PCDH15: variants seen among roughly 807,000 people sequenced by gnomAD.
PCDH15 encodes the protein protocadherin related 15.
A neutral mutation model predicts 178.5 loss-of-function variants in PCDH15; 129 were observed. That is an observed-to-expected ratio of 0.72 (90% CI 0.63 to 0.84). The LOEUF is 0.84. Among genes scored for constraint, PCDH15 ranks in the 40% least tolerant of loss-of-function variants. The pLI is 0.00. For synonymous variants in PCDH15, 800 were observed against 732.0 expected (o/e 1.09, Z -1.50); for missense variants, 2,230 against 2,099.9 (o/e 1.06, Z -1.21).
At chr10:54,421,484 T>A (rs1488462877) in intron 3 of PCDH15, among the ~76,000 whole-genome samples, 1 of 135,732 alleles carries the variant, frequency 7.4e-6, no homozygotes, top group African/African-American at 2.6e-5. Flanking sequence ...TAGCATTTGA[T>A]TTTTATTTAT....
rs186184498 is a variant in PCDH15, at chr10:55,033,282, G to A, written c.-80+133294C>T. Among the ~76,000 whole-genome samples, 185 of 152,232 alleles carry A rather than the reference G, an allele frequency of 1.2e-3. 1 individual carries two copies. Among genetic ancestry groups the A allele is most frequent in the South Asian group, 2.7e-3 (13 of 4,816 alleles). On this transcript the variant is annotated intron_variant, in intron 2 of 5. Coordinates refer to the PCDH15 transcript ENST00000458638. ...TGGAGTTGTGGCAGCAGGGCCGCTCGAGAGGCCAAAGCCTGGGAGAGCCAC... is the reference window on the plus strand; with the variant it reads ...TGGAGTTGTGGCAGCAGGGCCGCTCAAGAGGCCAAAGCCTGGGAGAGCCAC...
At chr10:54,828,096 T>C (rs1247142330) in intron 3 of PCDH15, among the ~76,000 whole-genome samples, 1 of 152,028 alleles carries the variant, frequency 6.6e-6, no homozygotes, top group Non-Finnish European at 1.5e-5. Context: ...TTGGTACTGA[T>C]ACCTTGAATT....
chr10:54,283,086 G>T (rs141126738), intron 8 of PCDH15, among the ~76,000 whole-genome samples: 1 of 152,234 alleles, frequency 6.6e-6, no homozygotes, highest in African/African-American at 2.4e-5. Context: ...CAAGATCTAT[G>T]AATGCTATAA....
chr10:54,564,042 T>C (rs1371464942), intron 2 of PCDH15, among the ~76,000 whole-genome samples: 1 of 152,148 alleles, frequency 6.6e-6, no homozygotes, highest in Non-Finnish European at 1.5e-5. Flanking sequence ...GCAAGGCTGT[T>C]GCCTAGTTCT....
At chr10:55,301,448 T>C (rs996578792) in intron 1 of PCDH15, among the ~76,000 whole-genome samples, 2 of 151,924 alleles carry the variant, frequency 1.3e-5, no homozygotes, top group East Asian at 3.9e-4. Context: ...TTCTAATTGT[T>C]TTTTTTTTCT....
intron 20 of PCDH15, among the ~76,000 whole-genome samples, chr10:54,004,529 A>C (rs906988266): frequency 2.6e-5 from 4 of 152,030 alleles, no homozygotes; most frequent in African/African-American, 9.7e-5. Context: ...AACAATCCGC[A>C]AAAGAAATCA....
At chr10:54,357,897 A>G (rs1445125603) in intron 5 of PCDH15, among the ~76,000 whole-genome samples, 8 of 152,044 alleles carry the variant, frequency 5.3e-5, no homozygotes, top group Non-Finnish European at 8.8e-5. Context: ...AAACCTGACA[A>G]AAACAAGAAA....
intron 26 of PCDH15, among the ~76,000 whole-genome samples, chr10:53,875,094 A>T (rs1025743196): frequency 2.6e-5 from 4 of 152,058 alleles, no homozygotes; most frequent in African/African-American, 9.7e-5. Context: ...TTTGGCAAAT[A>T]TCTAATCAGA....
intron 2 of PCDH15, among the ~76,000 whole-genome samples, chr10:55,388,891 T>C (rs1440562607): frequency 2.0e-5 from 3 of 152,098 alleles, no homozygotes; most frequent in Non-Finnish European, 2.9e-5. Context: ...CACTGGAAAT[T>C]TGCAAGCCAT....
At chr10:53,959,368 T>C (rs1276791860) in intron 23 of PCDH15, among the ~76,000 whole-genome samples, 2 of 151,716 alleles carry the variant, frequency 1.3e-5, no homozygotes, top group African/African-American at 2.4e-5. Flanking sequence ...GCAGATTGCA[T>C]GCCAAAATTG....
At chr10:54,395,172 G>T (rs1951044823) in intron 3 of PCDH15, among the ~76,000 whole-genome samples, 1 of 152,066 alleles carries the variant, frequency 6.6e-6, no homozygotes, top group African/African-American at 2.4e-5. Flanking sequence ...ATTCATTGGG[G>T]AAGTGATAAG....
intron 9 of PCDH15, among the ~76,000 whole-genome samples, chr10:54,232,480 A>G (rs1180644248): frequency 6.6e-6 from 1 of 152,222 alleles, no homozygotes; most frequent in African/African-American, 2.4e-5. Flanking sequence ...AATATTCTCT[A>G]ATGGTAGAAT....
intron 2 of PCDH15, among the ~76,000 whole-genome samples, chr10:55,581,497 T>TA (rs79865651): frequency 2.0e-5 from 3 of 151,800 alleles, no homozygotes; most frequent in South Asian, 2.1e-4. Flanking sequence ...CTGTTTTTTT[T>TA]AAATGTAAAT....
At chr10:54,240,049 T>C (rs2055073208) in intron 8 of PCDH15, among the ~76,000 whole-genome samples, 1 of 152,174 alleles carries the variant, frequency 6.6e-6, no homozygotes, top group African/African-American at 2.4e-5. Flanking sequence ...GCAGACAATT[T>C]ATATACATTA....
At chr10:54,721,742 C>A (rs61065862) in intron 1 of PCDH15, among the ~76,000 whole-genome samples, 18,466 of 151,638 alleles carry the variant, frequency 0.12, 1,237 homozygotes, top group African/African-American at 0.17. Context: ...CTACCAACAA[C>A]AAAAAGTCCA....
chr10:53,897,959 C>CTTTTTTTTTTTTTTTTT lies in PCDH15; in HGVS notation c.3501+5267_3501+5283dup, dbSNP rs66513139. On this transcript the variant is annotated intron_variant, in intron 26 of 37. Coordinates refer to ENST00000644397, the MANE Select transcript of PCDH15 (RefSeq NM_001384140.1). The stretch of plus-strand genomic sequence containing the variant: ...TGAACATATGTGTTGTTTCTTTTCC[C>CTTTTTTTTTTTTTTTTT]TTTTTTTTTTTTTTTTTTTTTTTTT... Among the ~76,000 whole-genome samples the CTTTTTTTTTTTTTTTTT allele has an allele frequency of 1.6e-4, 13 of 82,406 alleles. 1 individual carries two copies. The highest frequency in any genetic ancestry group is 5.4e-4 in the African/African-American group (10 of 18,412). The allele number at this position is 82,406 out of a possible 152,430, so 54.1% of individuals were successfully genotyped here. A position where few individuals can be genotyped will look rare whatever the true frequency, so the allele number is the denominator to read the frequency against.
At chr10:55,306,415 A>C (rs560615406) in intron 1 of PCDH15, among the ~76,000 whole-genome samples, 1 of 152,318 alleles carries the variant, frequency 6.6e-6, no homozygotes, top group African/African-American at 2.4e-5. Context: ...CTGAATCTAA[A>C]ACTAATGAGG....
At chr10:55,185,557 G>T (rs999161075) in intron 1 of PCDH15, among the ~76,000 whole-genome samples, 1 of 151,510 alleles carries the variant, frequency 6.6e-6, no homozygotes, top group South Asian at 2.1e-4. Context: ...AAAAATATGA[G>T]GAGTTGAGCA....
chr10:54,591,837 A>C (rs1251974261), intron 2 of PCDH15, among the ~76,000 whole-genome samples: 11 of 152,170 alleles, frequency 7.2e-5, no homozygotes. Flanking sequence ...ATTCACCTGA[A>C]AGCAACTGTT....
Sources: allele counts gnomAD v4.1 joint callset (sites outside exome capture counted in the v4.1 genomes callset), GRCh38; gene constraint gnomAD v4.1.1; transcripts MANE v1.5; gene names NCBI Gene and HGNC (gene_info 2026-07-23, HGNC 2026-07-21).